Variants in KIAA0513 observed in about 807,000 individuals in gnomAD.
The protein encoded by KIAA0513 is uncharacterized protein KIAA0513.
KIAA0513 carries 39 observed loss-of-function variants against 56.5 expected under a neutral mutation model. The observed-to-expected ratio is 0.69, with a 90% CI of 0.53 to 0.90. KIAA0513 has a LOEUF of 0.90. KIAA0513 is among the 40% of genes least tolerant of loss of function. The pLI is 0.00. For missense variants in KIAA0513, 591 were observed against 535.2 expected (o/e 1.10, Z -1.03); for synonymous variants, 268 against 215.6 (o/e 1.24, Z -2.13).
At chr16:85,055,618 T>C (rs940578969) in intron 1 of KIAA0513, among the ~76,000 whole-genome samples, 8 of 152,206 alleles carry the variant, frequency 5.3e-5, no homozygotes, top group Non-Finnish European at 1.2e-4. Context: ...CTTCCCCTTC[T>C]TGGTGCTTGC....
At chr16:85,082,872 G>A (rs1425107435) in intron 10 of KIAA0513, among the ~76,000 whole-genome samples, 3 of 152,268 alleles carry the variant, frequency 2.0e-5, no homozygotes, top group Non-Finnish European at 2.9e-5. Context: ...ACGCCCTGGC[G>A]ACAGCATGAG....
intron 1 of KIAA0513, among the ~76,000 whole-genome samples, chr16:85,049,110 C>T (rs182467353): frequency 1.0e-3 from 157 of 152,354 alleles, no homozygotes; most frequent in Admixed American, 1.8e-3. Context: ...TGCCAAACTG[C>T]GTGGGCAGCT....
intron 1 of KIAA0513, among the ~76,000 whole-genome samples, chr16:85,036,465 A>C (rs2073037849): frequency 6.6e-6 from 1 of 152,150 alleles, no homozygotes; most frequent in Non-Finnish European, 1.5e-5. Context: ...TTTTTAGTTC[A>C]TTGCTATTGT....
At chr16:85,080,126 G>A (rs1188734605) in intron 8 of KIAA0513, among the ~76,000 whole-genome samples, 3 of 151,932 alleles carry the variant, frequency 2.0e-5, no homozygotes, top group Non-Finnish European at 4.4e-5. Flanking sequence ...GGGCAGGGCC[G>A]GAGCTGTCAG....
In KIAA0513 at chr16:85,067,968, G is replaced by A. The variant is rs542479814; in HGVS notation, c.329+568G>A. ...TGGGACTATAAGCACCCACCACCAC[G>A]CTTGGCTAATTTTTGTATTTTCAAT... On this transcript the variant is annotated intron_variant, in intron 2 of 12. Coordinates refer to ENST00000683363, the MANE Select transcript of KIAA0513 (RefSeq NM_001388359.1). 5.3e-5 allele frequency among the ~76,000 whole-genome samples: 8 copies of A among 151,666 alleles called. 1 individual carries two copies. The South Asian group carries it at 6.3e-4, about 12-fold the overall frequency.
chr16:85,057,707 C>T (rs894748634), intron 1 of KIAA0513, among the ~76,000 whole-genome samples: 1 of 151,834 alleles, frequency 6.6e-6, no homozygotes, highest in Admixed American at 6.6e-5. Flanking sequence ...AGAGCTAGCC[C>T]GTATGCCAGT....
intron 6 of KIAA0513, 50 bp downstream of exon 6, chr16:85,077,682 C>A: frequency 7.0e-7 from 1 of 1,435,352 alleles, no homozygotes; most frequent in Non-Finnish European, 9.6e-7. Context: ...TGGGGAGAGG[C>A]TGGTGTGGAG....
intron 1 of KIAA0513, among the ~76,000 whole-genome samples, chr16:85,047,965 T>C (rs2073194463): frequency 6.6e-6 from 1 of 152,096 alleles, no homozygotes; most frequent in Non-Finnish European, 1.5e-5. Flanking sequence ...CCACATTCAG[T>C]GGGCAGGGAA....
At chr16:85,050,245 T>G (rs899904370) in intron 1 of KIAA0513, among the ~76,000 whole-genome samples, 1 of 151,928 alleles carries the variant, frequency 6.6e-6, no homozygotes, top group Non-Finnish European at 1.5e-5. Context: ...TTGTGTGAGG[T>G]GACTTGAGTT....
intron 1 of KIAA0513, among the ~76,000 whole-genome samples, chr16:85,050,335 A>G: frequency 9.1e-6 from 1 of 109,616 alleles, no homozygotes; most frequent in East Asian, 2.1e-4. Flanking sequence ...ATATTTATTT[A>G]TTTATTTATT....
At chr16:85,033,202 C>T (rs936492028) in intron 1 of KIAA0513, among the ~76,000 whole-genome samples, 4 of 152,118 alleles carry the variant, frequency 2.6e-5, no homozygotes, top group African/African-American at 7.2e-5. Context: ...GTGAAGAGGT[C>T]GAGCAATCCA....
At chr16:85,069,750 G>A (rs2073544274) in intron 2 of KIAA0513, among the ~76,000 whole-genome samples, 1 of 152,048 alleles carries the variant, frequency 6.6e-6, no homozygotes, top group South Asian at 2.1e-4. Flanking sequence ...GCAGAGTCTT[G>A]AGCCCTGCCT....
chr16:85,039,187 A>G (rs75247183), intron 1 of KIAA0513, among the ~76,000 whole-genome samples: 1 of 152,250 alleles, frequency 6.6e-6, no homozygotes, highest in African/African-American at 2.4e-5. Flanking sequence ...GTCACGGAAT[A>G]GTCAGTGCCA....
intron 1 of KIAA0513, among the ~76,000 whole-genome samples, chr16:85,043,401 A>ATTT (rs761248323): frequency 2.3e-4 from 18 of 77,910 alleles, no homozygotes; most frequent in Non-Finnish European, 3.2e-4. Context: ...TGCTTCTTGG[A>ATTT]TTTTTTTTTT....
intron 4 of KIAA0513, among the ~76,000 whole-genome samples, chr16:85,073,340 G>A (rs989578042): frequency 1.7e-4 from 26 of 152,198 alleles, no homozygotes; most frequent in Non-Finnish European, 5.9e-5. Context: ...CTATTGTAGA[G>A]TACTTCAAAC....
intron 1 of KIAA0513, among the ~76,000 whole-genome samples, chr16:85,048,786 T>G (rs2073206960): frequency 6.6e-6 from 1 of 152,160 alleles, no homozygotes; most frequent in African/African-American, 2.4e-5. Flanking sequence ...CAAATATTGT[T>G]AAACATGTAT....
intron 1 of KIAA0513, among the ~76,000 whole-genome samples, chr16:85,060,508 G>A (rs1177037362): frequency 6.6e-6 from 1 of 152,164 alleles, no homozygotes; most frequent in East Asian, 1.9e-4. Flanking sequence ...CCCCAGCTGT[G>A]AGGCTGGGGT....
At chr16:85,079,884 C>G (rs2073717185) in intron 8 of KIAA0513, 2 of 152,280 alleles carry the variant, frequency 1.3e-5, no homozygotes, top group East Asian at 1.9e-4. Context: ...CTTGGCCGCC[C>G]TGGCATATGG....
chr16:85,086,453 C>T (rs1485388192), intron 10 of KIAA0513, among the ~76,000 whole-genome samples, 191 bp from the exon 11 acceptor site: 7 of 152,222 alleles, frequency 4.6e-5, no homozygotes, highest in Non-Finnish European at 1.0e-4. Flanking sequence ...GGACCCCAAG[C>T]GCGGTGTGAG....
Sources: allele counts gnomAD v4.1 joint callset (sites outside exome capture counted in the v4.1 genomes callset), GRCh38; gene constraint gnomAD v4.1.1; transcripts MANE v1.5; gene names NCBI Gene and HGNC (gene_info 2026-07-23, HGNC 2026-07-21).